The following ADGRV1 variants were observed in gnomAD, a reference collection of about 807,000 sequenced individuals.
ADGRV1 encodes G-protein coupled receptor 98.
A neutral mutation model predicts 596.2 loss-of-function variants in ADGRV1; 359 were observed. That is an observed-to-expected ratio of 0.60 (90% CI 0.55 to 0.66). ADGRV1 has a LOEUF of 0.66. Among genes scored for constraint, ADGRV1 ranks in the 30% least tolerant of loss-of-function variants. ADGRV1 has a pLI of 0.00. For missense variants in ADGRV1, 7,274 were observed against 7,575.6 expected, an observed-to-expected ratio of 0.96 and a Z score of 1.48; for synonymous variants, 2,681 against 2,679.2, an observed-to-expected ratio of 1.00 and a Z score of -0.02.
chr5:90,976,593 A>G (rs1305806531), intron 84 of ADGRV1, among the ~76,000 whole-genome samples: 4 of 152,002 alleles, frequency 2.6e-5, no homozygotes, highest in Non-Finnish European at 5.9e-5. Context: ...TGCCTTTGCT[A>G]TTCATGTCTA....
rs554158434 is a variant in ADGRV1, at chr5:90,573,041, G to A, written c.22+14124G>A. ...TTGAAGGTTTCCCTTAGATCTCTCC[G>A]TGTATAGATCTACTAATTAAGTAAG... On this transcript the variant is annotated intron_variant, in intron 1 of 89. Transcript: ENST00000405460. 2.6e-5 allele frequency among the ~76,000 whole-genome samples: 4 copies of A among 152,250 alleles called. No individual in the cohort carries two copies. The East Asian group carries it at 5.8e-4, about 22-fold the overall frequency.
intron 70 of ADGRV1, among the ~76,000 whole-genome samples, chr5:90,801,066 T>G (rs1761318557): frequency 6.6e-6 from 1 of 152,128 alleles, no homozygotes; most frequent in Non-Finnish European, 1.5e-5. Context: ...ACTTAAAATA[T>G]AATAATAATA....
chr5:90,881,539 A>G (rs1420697635), intron 83 of ADGRV1, among the ~76,000 whole-genome samples: 1 of 152,154 alleles, frequency 6.6e-6, no homozygotes, highest in Non-Finnish European at 1.5e-5. Context: ...ATCCCATTGA[A>G]TAACTCAAGG....
In ADGRV1 at chr5:90,712,296, T is replaced by C. The variant is rs769373495; in HGVS notation, c.9052T>C (p.Phe3018Leu). 4 of 1,531,968 alleles carry C rather than the reference T, an allele frequency of 2.6e-6. No homozygotes were observed. Among genetic ancestry groups the C allele is most frequent in the Non-Finnish European group, 3.5e-6 (4 of 1,133,722 alleles). The allele number at this position is 1,531,968 out of a possible 1,614,324, so 94.9% of individuals were successfully genotyped here. A position where few individuals can be genotyped will look rare whatever the true frequency, so the allele number is the denominator to read the frequency against. The change falls in exon 42 of 90, where the codon TTT (phenylalanine) becomes CTT (leucine). Residue 3018 changes from phenylalanine (F) to leucine (L), a missense_variant. This residue lies in a region of ADGRV1 where 3,643 missense variants were observed against 3,809.2 expected (regional missense o/e 0.96). Coordinates refer to ENST00000405460, the MANE Select transcript of ADGRV1 (RefSeq NM_032119.4). ...DYIFTPMILH[F>L]ADGERYKNVN... The stretch of plus-strand genomic sequence containing the variant: ...TTACCTTTTTGACCAGATTCTTCAT[T>C]TTGCTGATGGAGAAAGGTATAAAAA...
At chr5:90,832,080 G>T (rs1764574556) in intron 77 of ADGRV1, among the ~76,000 whole-genome samples, 1 of 151,866 alleles carries the variant, frequency 6.6e-6, no homozygotes, top group African/African-American at 2.4e-5. Context: ...TTTTCTTTTG[G>T]GTATATCCCT....
Position 90,690,475 on chromosome 5 carries a change from G to A in ADGRV1, c.6707-322G>A, listed in dbSNP as rs375909719. Among the ~76,000 whole-genome samples, 50 of 152,238 alleles carry A rather than the reference G, an allele frequency of 3.3e-4. No homozygotes were observed. The South Asian group carries it at 9.7e-3, about 30-fold the overall frequency. On this transcript the variant is annotated intron_variant, in intron 30 of 89. Coordinates refer to ENST00000405460, the MANE Select transcript of ADGRV1 (RefSeq NM_032119.4). ...CTTTCCTGCATAACATCAGTCATGG[G>A]AACCAAATAGCAACTGCCCCTCTGG...
intron 85 of ADGRV1, among the ~76,000 whole-genome samples, chr5:91,061,294 G>A (rs1424456615): frequency 3.3e-5 from 5 of 152,170 alleles, no homozygotes; most frequent in Non-Finnish European, 4.4e-5. Context: ...GAACCTACCT[G>A]GAATGAAGTT....
At chr5:90,672,324 C>T (rs369961101) in intron 21 of ADGRV1, among the ~76,000 whole-genome samples, 1 of 152,154 alleles carries the variant, frequency 6.6e-6, no homozygotes, top group South Asian at 2.1e-4. Flanking sequence ...ATTCTTTTTG[C>T]TTTATTTATC....
Position 90,628,553 on chromosome 5 carries a change from A to G in ADGRV1, c.1239-9A>G. The G allele has an allele frequency of 1.9e-6, 3 of 1,610,684 alleles. No individual in the cohort carries two copies. Among genetic ancestry groups the G allele is most frequent in the Non-Finnish European group, 1.7e-6 (2 of 1,177,188 alleles). On this transcript the variant is annotated splice_polypyrimidine_tract_variant and intron_variant, in intron 7 of 89. Transcript: ENST00000405460. ...TGTGACAATATGTATTTCTTTTAAA[A>G]CATTTAAGATATGAAGAAATCACAG...
chr5:90,872,151 T>A (rs1768748429), intron 83 of ADGRV1, among the ~76,000 whole-genome samples: 2 of 152,182 alleles, frequency 1.3e-5, no homozygotes, highest in Non-Finnish European at 2.9e-5. Flanking sequence ...GGCCCCACCC[T>A]TTTTCAATAA....
intron 83 of ADGRV1, among the ~76,000 whole-genome samples, chr5:90,908,856 A>G (rs2150679052): frequency 6.6e-6 from 1 of 152,314 alleles, no homozygotes; most frequent in African/African-American, 2.4e-5. Context: ...CAAAAATGTA[A>G]ACACAGTTGA....
chr5:90,826,200 A>T (rs2150312258), intron 76 of ADGRV1, among the ~76,000 whole-genome samples: 1 of 152,350 alleles, frequency 6.6e-6, no homozygotes, highest in African/African-American at 2.4e-5. Flanking sequence ...ATTATGTCAG[A>T]TAAACTGAGA....
At chr5:90,683,401 T>C (rs910848194) in intron 27 of ADGRV1, among the ~76,000 whole-genome samples, 185 bp from the exon 28 acceptor site, 4 of 152,104 alleles carry the variant, frequency 2.6e-5, no homozygotes, top group Admixed American at 2.6e-4. Flanking sequence ...TATCCTCTAT[T>C]TGTAAGACTC....
chr5:90,566,390 C>T (rs1328204319), intron 1 of ADGRV1, among the ~76,000 whole-genome samples: 1 of 152,078 alleles, frequency 6.6e-6, no homozygotes, highest in African/African-American at 2.4e-5. Context: ...TATCCAGGTT[C>T]CATTTGCTGA....
intron 21 of ADGRV1, among the ~76,000 whole-genome samples, chr5:90,666,806 G>C (rs1771496861): frequency 6.6e-6 from 1 of 151,436 alleles, no homozygotes; most frequent in Admixed American, 6.6e-5. Context: ...GACAGGCCTG[G>C]TGGTGACAAA....
intron 83 of ADGRV1, among the ~76,000 whole-genome samples, chr5:90,906,367 T>C (rs1411225864): frequency 6.6e-6 from 1 of 152,152 alleles, no homozygotes; most frequent in Non-Finnish European, 1.5e-5. Context: ...GGCTGTTTTT[T>C]ACTGGGAGAA....
intron 58 of ADGRV1, chr5:90,762,942 C>T (rs1422364290): frequency 6.1e-6 from 1 of 164,340 alleles, no homozygotes; most frequent in Non-Finnish European, 1.3e-5. Context: ...ATGTCCTCTT[C>T]TAGGTCCTGG....
rs1466383869 is a variant in ADGRV1, at chr5:90,750,611, G to A, written c.11035G>A (p.Glu3679Lys). Residue 3679 changes from glutamate to lysine, a missense_variant, in exon 53 of 90, where the codon GAA becomes AAA. Physicochemically the swap from Glu to Lys is moderately conservative, Grantham distance 56. Transcript: ENST00000405460. ...AGATAGCCTAGTAACCTTGAACGTT[G>A]AACGCTTAAAAGGAACATATGGCCG... is the stretch of plus-strand genomic sequence containing the variant. ...EQDSLVTLNV[E>K]RLKGTYGRIT... 10 of 1,612,604 alleles carry A rather than the reference G, an allele frequency of 6.2e-6. No individual in the cohort carries two copies. The highest frequency in any genetic ancestry group is 7.6e-6 in the Non-Finnish European group (9 of 1,178,842).
intron 1 of ADGRV1, among the ~76,000 whole-genome samples, chr5:90,607,178 T>A (rs1436056238): frequency 6.6e-6 from 1 of 152,142 alleles, no homozygotes; most frequent in Non-Finnish European, 1.5e-5. Flanking sequence ...GGATGAGTAG[T>A]GATTCTCTTA....
Sources: gnomAD v4.1 joint callset for allele counts (sites outside exome capture counted in the v4.1 genomes callset) on GRCh38, gnomAD v4.1.1 for gene constraint, gnomAD v4.1.1 regional missense constraint, MANE v1.5 for transcripts, NCBI Gene and HGNC (gene_info 2026-07-23, HGNC 2026-07-21) for gene names.